Variants in TRDN observed in about 807,000 individuals in gnomAD.
TRDN encodes the protein triadin in skeletal muscle.
Under a neutral mutation model 149.7 loss-of-function variants are expected in TRDN, and 161 were observed. That is an observed-to-expected ratio of 1.08 (90% confidence interval 0.95 to 1.23). The LOEUF (loss-of-function observed/expected upper bound fraction) is 1.23. TRDN is among the 50% of genes most tolerant of loss of function. The pLI is 0.00. For synonymous variants in TRDN, 294 were observed against 250.5 expected (o/e 1.17, Z -1.64); for missense variants, 896 against 823.5 (o/e 1.09, Z -1.08).
At chr6:123,546,773 A>G (rs1386742624) in intron 4 of TRDN, among the ~76,000 whole-genome samples, 1 of 151,926 alleles carries the variant, frequency 6.6e-6, no homozygotes, top group Non-Finnish European at 1.5e-5. Flanking sequence ...CACCTTATCT[A>G]TTCCTGCAAG....
intron 10 of TRDN, among the ~76,000 whole-genome samples, chr6:123,442,586 C>G (rs1425235094): frequency 1.3e-5 from 2 of 149,178 alleles, no homozygotes; most frequent in Non-Finnish European, 3.0e-5. Flanking sequence ...GTCTACCTTG[C>G]TTACTTGTGA....
chr6:123,451,319 C>A (rs1237863030), intron 10 of TRDN, among the ~76,000 whole-genome samples: 1 of 151,790 alleles, frequency 6.6e-6, no homozygotes, highest in African/African-American at 2.4e-5. Context: ...AAAGCTGGTT[C>A]TTTGAAAAGA....
chr6:123,448,963 G>A (rs1775582833), intron 10 of TRDN, among the ~76,000 whole-genome samples: 1 of 152,076 alleles, frequency 6.6e-6, no homozygotes, highest in Non-Finnish European at 1.5e-5. Flanking sequence ...AGACCCAGAA[G>A]AGAGACAACA....
At chr6:123,621,844 C>T (rs1785399091) in intron 1 of TRDN, among the ~76,000 whole-genome samples, 1 of 152,036 alleles carries the variant, frequency 6.6e-6, no homozygotes, top group African/African-American at 2.4e-5. Context: ...GAAGCGACAC[C>T]AAAGTGAGAG....
At chr6:123,249,130 C>T (rs1446475619) in intron 38 of TRDN, among the ~76,000 whole-genome samples, 1 of 152,020 alleles carries the variant, frequency 6.6e-6, no homozygotes, top group South Asian at 2.1e-4. Context: ...GAAAAGTGGG[C>T]AAATGAACAG....
chr6:123,614,964 CAAAT>C (rs1202154475), intron 1 of TRDN, among the ~76,000 whole-genome samples: 1 of 151,826 alleles, frequency 6.6e-6, no homozygotes, highest in East Asian at 1.9e-4. Flanking sequence ...AAATAATAAA[CAAAT>C]AGTGTGATTA....
At chr6:123,307,550 C>T (rs1778659318) in intron 24 of TRDN, among the ~76,000 whole-genome samples, 1 of 151,782 alleles carries the variant, frequency 6.6e-6, no homozygotes, top group Admixed American at 6.6e-5. Flanking sequence ...TTTTTTAATT[C>T]CTATAAACTA....
Position 123,216,384 on chromosome 6 carries a change from A to G in TRDN, c.*2217T>C, listed in dbSNP as rs1471796054. 2.6e-5 allele frequency: 4 copies of G among 151,974 alleles called. No homozygotes were observed. The highest frequency in any genetic ancestry group is 9.7e-5 in the African/African-American group (4 of 41,436). The allele number at this position is 151,974 out of a possible 1,614,324, so 9.4% of individuals were successfully genotyped here. A position where few individuals can be genotyped will look rare whatever the true frequency, so the allele number is the denominator to read the frequency against. On this transcript the variant is annotated 3_prime_UTR_variant, in exon 41 of 41. Coordinates refer to ENST00000334268, the MANE Select transcript of TRDN (RefSeq NM_006073.4). ...TTATTAGACGGTAATATATAAACAA[A>G]TGACAGTTCAGATAATATTTTTAAA...
intron 1 of TRDN, among the ~76,000 whole-genome samples, chr6:123,591,025 TTTAA>T (rs767522492): frequency 6.6e-6 from 1 of 152,180 alleles, no homozygotes; most frequent in Non-Finnish European, 1.5e-5. Context: ...TTCATGCATC[TTTAA>T]TTATCAGTAA....
At position 123,433,182 on chromosome 6, in the gene TRDN, T is replaced by TATATAC. The variant is rs1562310492; in HGVS notation, c.1051+4880_1051+4881insGTATAT. Among the ~76,000 whole-genome samples the TATATAC allele has an allele frequency of 1.5e-3, 222 of 143,318 alleles. 3 individuals carry two copies. Among genetic ancestry groups the TATATAC allele is most frequent in the African/African-American group, 4.8e-3 (183 of 38,166 alleles). 94.0% of individuals were successfully genotyped at this position (143,318 alleles called of 152,430 possible). A position where few individuals can be genotyped will look rare whatever the true frequency, so the allele number is the denominator to read the frequency against. The stretch of plus-strand genomic sequence containing the variant: ...TATATAATATATATATATATATATA[T>TATATAC]ACATCACACAATGATCCAGCAATCA... On this transcript the variant is annotated intron_variant, in intron 12 of 40. Transcript: ENST00000334268.
chr6:123,451,622 A>G (rs1276592473), intron 10 of TRDN, among the ~76,000 whole-genome samples: 1 of 151,954 alleles, frequency 6.6e-6, no homozygotes, highest in African/African-American at 2.4e-5. Flanking sequence ...ATTACCAACA[A>G]AAAAAAGTCC....
At chr6:123,529,339 A>G in intron 5 of TRDN, 1 of 1,548,526 alleles carries the variant, frequency 6.5e-7, no homozygotes, top group Non-Finnish European at 8.7e-7. Flanking sequence ...AGAGAACAGT[A>G]AGGAGACATT....
intron 20 of TRDN, among the ~76,000 whole-genome samples, chr6:123,357,547 G>A (rs1384751223): frequency 3.9e-5 from 6 of 152,056 alleles, no homozygotes; most frequent in African/African-American, 9.7e-5. Context: ...TACAATGTAC[G>A]CTATAAGAGG....
intron 24 of TRDN, among the ~76,000 whole-genome samples, chr6:123,314,527 T>C (rs958808493): frequency 2.0e-5 from 3 of 151,982 alleles, no homozygotes; most frequent in Non-Finnish European, 4.4e-5. Flanking sequence ...CCTTCTGTTA[T>C]AAAGACACAT....
At chr6:123,551,340 A>AAT (rs1554256526) in intron 2 of TRDN, among the ~76,000 whole-genome samples, 5,557 of 60,746 alleles carry the variant, frequency 0.091, 167 homozygotes, top group East Asian at 0.21. Context: ...CCAAAACCTA[A>AAT]ATACACACAC....
At chr6:123,318,000 T>A (rs773619741) in intron 23 of TRDN, among the ~76,000 whole-genome samples, 19 of 151,992 alleles carry the variant, frequency 1.3e-4, no homozygotes, top group African/African-American at 2.4e-4. Context: ...ATGTGTCCAA[T>A]GATAGCAAAT....
intron 40 of TRDN, among the ~76,000 whole-genome samples, chr6:123,219,652 G>T (rs1471659963): frequency 6.6e-6 from 1 of 151,746 alleles, no homozygotes; most frequent in African/African-American, 2.4e-5. Flanking sequence ...CATTTCCATG[G>T]GTCACTGGGT....
At chr6:123,279,669 C>A (rs918915114) in intron 24 of TRDN, among the ~76,000 whole-genome samples, 6 of 152,020 alleles carry the variant, frequency 3.9e-5, no homozygotes, top group African/African-American at 1.4e-4. Flanking sequence ...GTTTCTAGCT[C>A]CACCATTCTA....
intron 1 of TRDN, among the ~76,000 whole-genome samples, chr6:123,631,300 C>A (rs1325375033): frequency 6.6e-6 from 1 of 151,904 alleles, no homozygotes; most frequent in African/African-American, 2.4e-5. Context: ...TGTTCCAAGC[C>A]ATAGCACTTT....
Sources: allele counts gnomAD v4.1 joint callset (sites outside exome capture counted in the v4.1 genomes callset), GRCh38; gene constraint gnomAD v4.1.1; transcripts MANE v1.5; gene names NCBI Gene and HGNC (gene_info 2026-07-23, HGNC 2026-07-21).